COL25A1: variants seen among roughly 807,000 people sequenced by gnomAD.
The protein encoded by COL25A1 is collagen type XXV alpha 1 chain.
A neutral mutation model predicts 128.4 loss-of-function variants in COL25A1; 103 were observed. That is an observed-to-expected ratio of 0.80 (90% CI 0.68 to 0.94). COL25A1 has a LOEUF of 0.94. COL25A1 is among the 40% of genes least tolerant of loss of function. COL25A1 has a pLI of 0.00. For synonymous variants in COL25A1, 279 were observed against 277.2 expected (o/e 1.01, Z -0.06); for missense variants, 745 against 840.0 (o/e 0.89, Z 1.40).
At chr4:108,885,658 T>G (rs1740686826) in intron 18 of COL25A1, among the ~76,000 whole-genome samples, 1 of 152,186 alleles carries the variant, frequency 6.6e-6, no homozygotes, top group South Asian at 2.1e-4. Flanking sequence ...AAAAAGAGCT[T>G]GTACATATTT....
At chr4:108,821,415 T>C (rs28457079) in intron 35 of COL25A1, among the ~76,000 whole-genome samples, 7,142 of 152,268 alleles carry the variant, frequency 0.047, 503 homozygotes, top group African/African-American at 0.16. Context: ...GGATCAACAT[T>C]CTTCCTTAAC....
At position 109,259,883 on chromosome 4, in the gene COL25A1, G is replaced by A. The variant is rs527706024; in HGVS notation, c.367+40700C>T. ...AACAACAGAAAAACAGAAAGGAAAAGACATAAGCAACGTAGCCAGAGGTTG... is the reference window on the plus strand; with the variant it reads ...AACAACAGAAAAACAGAAAGGAAAAAACATAAGCAACGTAGCCAGAGGTTG... On this transcript the variant is annotated intron_variant, in intron 3 of 37. Coordinates refer to ENST00000399132, the MANE Select transcript of COL25A1 (RefSeq NM_198721.4). 1.2e-4 allele frequency among the ~76,000 whole-genome samples: 18 copies of A among 152,284 alleles called. No homozygotes were observed. In the East Asian group the frequency reaches 3.5e-3, roughly 29 times the overall value.
chr4:109,060,912 A>C (rs1761911053), intron 3 of COL25A1, among the ~76,000 whole-genome samples: 1 of 152,130 alleles, frequency 6.6e-6, no homozygotes, highest in South Asian at 2.1e-4. Context: ...CTGATGCTAT[A>C]GTTTGGGTCC....
intron 37 of COL25A1, among the ~76,000 whole-genome samples, chr4:108,816,587 A>T (rs567518720): frequency 4.6e-5 from 7 of 152,112 alleles, no homozygotes; most frequent in African/African-American, 1.7e-4. Context: ...CATATGGATG[A>T]TCTCTTCCCT....
chr4:109,293,234 T>C (rs528699950), intron 3 of COL25A1, among the ~76,000 whole-genome samples: 8 of 152,054 alleles, frequency 5.3e-5, no homozygotes, highest in Non-Finnish European at 1.2e-4. Flanking sequence ...AGAGAATTCC[T>C]CTGGCTCCCT....
intron 3 of COL25A1, among the ~76,000 whole-genome samples, chr4:109,218,357 G>GTTTTTTTTTTGTTTTTTTT (rs1553961829): frequency 4.1e-5 from 3 of 73,530 alleles, no homozygotes; most frequent in African/African-American, 1.1e-4. Context: ...GTTTTTTGGG[G>GTTTTTTTTTTGTTTTTTTT]TTTTTTTTTT....
intron 5 of COL25A1, among the ~76,000 whole-genome samples, chr4:109,042,513 T>C (rs993097252): frequency 6.6e-6 from 1 of 152,030 alleles, no homozygotes; most frequent in Admixed American, 6.6e-5. Context: ...GTGACTGTTA[T>C]AATGACTGAA....
At chr4:108,867,825 T>C (rs1355695250) in intron 20 of COL25A1, among the ~76,000 whole-genome samples, 1 of 152,156 alleles carries the variant, frequency 6.6e-6, no homozygotes, top group Non-Finnish European at 1.5e-5. Flanking sequence ...CTGTACTTTT[T>C]ATGTCTTTCA....
chr4:109,238,142 G>A (rs1200309734), intron 3 of COL25A1, among the ~76,000 whole-genome samples: 9 of 151,902 alleles, frequency 5.9e-5, no homozygotes, highest in Non-Finnish European at 7.4e-5. Flanking sequence ...CTATCTCTTT[G>A]AGATCCTGTT....
chr4:108,845,388 T>A (rs376766632), intron 28 of COL25A1, 137 bp from the exon 29 acceptor site: 76 of 679,006 alleles, frequency 1.1e-4, no homozygotes, highest in African/African-American at 1.1e-3. Context: ...GAAGGATTTA[T>A]CTCCTTGAAT....
chr4:109,291,851 C>T (rs1724502578), intron 3 of COL25A1, among the ~76,000 whole-genome samples: 1 of 152,080 alleles, frequency 6.6e-6, no homozygotes, highest in Admixed American at 6.6e-5. Context: ...CTCAGTTACA[C>T]AGTGCATTTA....
At chr4:109,199,853 A>C (rs1168165672) in intron 3 of COL25A1, among the ~76,000 whole-genome samples, 3 of 152,176 alleles carry the variant, frequency 2.0e-5, no homozygotes, top group Non-Finnish European at 2.9e-5. Flanking sequence ...GCTCAAGAAG[A>C]AGCCTGCTCT....
At chr4:109,249,425 T>G (rs1780500798) in intron 3 of COL25A1, among the ~76,000 whole-genome samples, 1 of 152,136 alleles carries the variant, frequency 6.6e-6, no homozygotes. Context: ...CCCAACACAG[T>G]TAGATGCTTG....
At position 108,940,532 on chromosome 4, in the gene COL25A1, G is replaced by A. The variant is rs370036549; in HGVS notation, c.672+7C>T. On this transcript the variant is annotated splice_region_variant and intron_variant, in intron 10 of 37. Transcript: ENST00000399132. ...TGTGAGAATAAGTGATCCAAAAAGC[G>A]ACTCACGGGTACTCCTGGCATTCCA... is the stretch of plus-strand genomic sequence containing the variant. The A allele has an allele frequency of 6.2e-6, 10 of 1,609,856 alleles. No individual in the cohort carries two copies. The highest frequency in any genetic ancestry group is 2.7e-5 in the African/African-American group (2 of 74,952).
At position 108,968,683 on chromosome 4, in the gene COL25A1, C is replaced by T. The variant is rs767890915; in HGVS notation, c.492+5684G>A. 1.4e-3 allele frequency among the ~76,000 whole-genome samples: 217 copies of T among 152,278 alleles called. 1 individual carries two copies. The highest frequency in any genetic ancestry group is 2.4e-3 in the Non-Finnish European group (164 of 68,026). ...TGTTTCTAATTCCAGGATTTCAATT[C>T]TCCCTCTGTGATAGTTCAGCTGTGT... On this transcript the variant is annotated intron_variant, in intron 8 of 37. Coordinates refer to ENST00000399132, the MANE Select transcript of COL25A1 (RefSeq NM_198721.4).
intron 3 of COL25A1, among the ~76,000 whole-genome samples, chr4:109,065,545 C>CGCGCGCGCGTGTGT (rs771855567): frequency 5.0e-5 from 7 of 141,132 alleles, no homozygotes; most frequent in African/African-American, 1.9e-4. Flanking sequence ...CGCGCGCGCG[C>CGCGCGCGCGTGTGT]GTGTGTGTGT....
chr4:109,061,880 C>T (rs748372356), intron 3 of COL25A1, among the ~76,000 whole-genome samples: 21 of 152,174 alleles, frequency 1.4e-4, no homozygotes, highest in Non-Finnish European at 2.9e-4. Flanking sequence ...CACTTTACTG[C>T]TGCTATATCT....
intron 3 of COL25A1, among the ~76,000 whole-genome samples, chr4:109,058,874 T>G (rs1761682942): frequency 6.6e-6 from 1 of 152,178 alleles, no homozygotes; most frequent in African/African-American, 2.4e-5. Flanking sequence ...CAGAACTGGT[T>G]TAACACTGAA....
intron 3 of COL25A1, among the ~76,000 whole-genome samples, chr4:109,254,317 T>C (rs989130104): frequency 2.9e-4 from 44 of 150,808 alleles, no homozygotes; most frequent in African/African-American, 7.3e-5. Context: ...ACTATTATTA[T>C]TGTTTATTTC....
Sources: allele counts gnomAD v4.1 joint callset (sites outside exome capture counted in the v4.1 genomes callset), GRCh38; gene constraint gnomAD v4.1.1; transcripts MANE v1.5; gene names NCBI Gene and HGNC (gene_info 2026-07-23, HGNC 2026-07-21).